XKR6: variants seen among roughly 807,000 people sequenced by gnomAD.
XKR6 encodes the protein XK-related protein 6.
In XKR6, 22 loss-of-function variants were observed where a neutral mutation model predicts 56.7. That is an observed-to-expected ratio of 0.39 (90% CI 0.28 to 0.55). The LOEUF is 0.55. Among genes scored for constraint, XKR6 ranks in the 20% least tolerant of loss-of-function variants. The pLI is 0.66. For synonymous variants in XKR6, 524 were observed against 387.8 expected (o/e 1.35, Z -4.13); for missense variants, 852 against 889.0 (o/e 0.96, Z 0.53).
chr8:11,083,906 T>C (rs1035785608), intron 1 of XKR6, among the ~76,000 whole-genome samples: 1 of 152,152 alleles, frequency 6.6e-6, no homozygotes, highest in African/African-American at 2.4e-5. Flanking sequence ...TTGAGACAGA[T>C]TGTAAGTTTG....
At chr8:11,186,718 T>G (rs540790591) in intron 1 of XKR6, among the ~76,000 whole-genome samples, 2 of 152,206 alleles carry the variant, frequency 1.3e-5, no homozygotes, top group Non-Finnish European at 2.9e-5. Flanking sequence ...ACTTTCTCTA[T>G]ACTTTCTTTC....
At chr8:11,071,802 G>A (rs1235261383) in intron 1 of XKR6, among the ~76,000 whole-genome samples, 1 of 152,172 alleles carries the variant, frequency 6.6e-6, no homozygotes, top group Non-Finnish European at 1.5e-5. Flanking sequence ...ATTTAAGGTG[G>A]CCCAGCACCC....
At position 11,014,134 on chromosome 8, in the gene XKR6, T is replaced by G. The variant is rs182248288; in HGVS notation, c.765-89304A>C. Among the ~76,000 whole-genome samples the G allele has an allele frequency of 4.2e-4, 64 of 152,316 alleles. No individual in the cohort carries two copies. The East Asian group carries it at 0.012, about 28-fold the overall frequency. On this transcript the variant is annotated intron_variant, in intron 1 of 2. Transcript: ENST00000416569. ...ACATTTTTTAACAGCCAGTAAATAC[T>G]CTGGTACCGGGTCAGCATTTTTAAA...
At chr8:10,942,035 G>T (rs1337268957) in intron 1 of XKR6, among the ~76,000 whole-genome samples, 2 of 152,174 alleles carry the variant, frequency 1.3e-5, no homozygotes, top group Non-Finnish European at 2.9e-5. Context: ...TAATGACACA[G>T]TTATCCCCTC....
chr8:11,000,536 T>C (rs1040662932), intron 1 of XKR6, among the ~76,000 whole-genome samples: 5 of 151,886 alleles, frequency 3.3e-5, no homozygotes, highest in Admixed American at 6.6e-5. Flanking sequence ...AATGCAAAAA[T>C]TAGCCAGGCA....
At chr8:10,942,857 T>C (rs1193394326) in intron 1 of XKR6, among the ~76,000 whole-genome samples, 2 of 152,254 alleles carry the variant, frequency 1.3e-5, no homozygotes, top group Non-Finnish European at 2.9e-5. Context: ...TTTTGAGACA[T>C]TGCAAGATCG....
At position 11,171,627 on chromosome 8, in the gene XKR6, C is replaced by T. The variant is rs116530475; in HGVS notation, c.764+28949G>A. On this transcript the variant is annotated intron_variant, in intron 1 of 2. Coordinates refer to ENST00000416569, the MANE Select transcript of XKR6 (RefSeq NM_173683.4). ...TCCTTCTTGCCGTGTGATCTCTGCACACACAAGCCCTCTTAGCCTTCTGCC... is the reference window on the plus strand; with the variant it reads ...TCCTTCTTGCCGTGTGATCTCTGCATACACAAGCCCTCTTAGCCTTCTGCC... Among the ~76,000 whole-genome samples the T allele has an allele frequency of 5.6e-3, 848 of 152,312 alleles. 6 individuals carry two copies. The highest frequency in any genetic ancestry group is 0.019 in the African/African-American group (802 of 41,558).
chr8:11,038,497 TTGTGTG>T (rs34388531), intron 1 of XKR6, among the ~76,000 whole-genome samples: 3,836 of 130,156 alleles, frequency 0.029, 97 homozygotes, highest in African/African-American at 0.063. Flanking sequence ...TGTAGTCATT[TTGTGTG>T]TGTGTGTGTG....
intron 1 of XKR6, among the ~76,000 whole-genome samples, chr8:11,103,216 A>T (rs1439110411): frequency 6.6e-6 from 1 of 152,222 alleles, no homozygotes; most frequent in Non-Finnish European, 1.5e-5. Context: ...AGAAACTACA[A>T]TTTGTTACAG....
chr8:11,114,447 T>C (rs1799061178), intron 1 of XKR6, among the ~76,000 whole-genome samples: 1 of 152,158 alleles, frequency 6.6e-6, no homozygotes, highest in Non-Finnish European at 1.5e-5. Context: ...TTGCAGCCTC[T>C]GCCTCCTGGG....
chr8:11,184,864 T>C (rs1174134798), intron 1 of XKR6, among the ~76,000 whole-genome samples: 3 of 152,150 alleles, frequency 2.0e-5, no homozygotes, highest in Non-Finnish European at 4.4e-5. Context: ...TCTGAATCCA[T>C]CCCCAGGGGT....
Position 11,200,541 on chromosome 8 carries a change from A to G in XKR6, c.764+35T>C. ...CCGGGAGGGCGGAGGGGGGCTCCTCAGGGCCGGCCCGCCCCCACCCCGCAG... is the reference window on the plus strand; with the variant it reads ...CCGGGAGGGCGGAGGGGGGCTCCTCGGGGCCGGCCCGCCCCCACCCCGCAG... On this transcript the variant is annotated intron_variant, in intron 1 of 2. Transcript: ENST00000416569. This position sits in a 1 kb window ranked among gnomAD's most constrained non-coding sequence, Gnocchi z 6.4. 4.2e-6 allele frequency: 6 copies of G among 1,429,084 alleles called. No individual in the cohort carries two copies. Among genetic ancestry groups the G allele is most frequent in the Non-Finnish European group, 5.5e-6 (6 of 1,100,458 alleles). 88.5% of individuals were successfully genotyped at this position (1,429,084 alleles called of 1,614,324 possible).
At chr8:11,193,785 A>C (rs1754509417) in intron 1 of XKR6, among the ~76,000 whole-genome samples, 1 of 145,758 alleles carries the variant, frequency 6.9e-6, no homozygotes, top group Admixed American at 6.8e-5. Flanking sequence ...ACAATTCAGA[A>C]AAACCTCCAA....
chr8:11,051,936 G>A (rs892181011), intron 1 of XKR6, among the ~76,000 whole-genome samples: 41 of 152,192 alleles, frequency 2.7e-4, no homozygotes, highest in African/African-American at 9.2e-4. Context: ...AGAGGTGCGC[G>A]TGTGCCACGG....
intron 1 of XKR6, among the ~76,000 whole-genome samples, chr8:11,103,437 G>C (rs1798560644): frequency 6.6e-6 from 1 of 152,146 alleles, no homozygotes; most frequent in African/African-American, 2.4e-5. Flanking sequence ...GAGCCACATA[G>C]TTGCTCGCAT....
intron 1 of XKR6, among the ~76,000 whole-genome samples, chr8:10,997,553 T>C (rs890652558): frequency 6.6e-6 from 1 of 152,098 alleles, no homozygotes; most frequent in Non-Finnish European, 1.5e-5. Context: ...GAGTTTCTCC[T>C]TACAAATGAG....
Position 11,200,422 on chromosome 8 carries a change from G to A in XKR6, c.764+154C>T, listed in dbSNP as rs967861469. On this transcript the variant is annotated intron_variant, in intron 1 of 2. Coordinates refer to ENST00000416569, the MANE Select transcript of XKR6 (RefSeq NM_173683.4). This position sits in a 1 kb window ranked among gnomAD's most constrained non-coding sequence, Gnocchi z 6.4. ...GCGTGGCCAGGGATCCAGATCAAAC[G>A]CCGGTCTTTTGGAGACGCCAGGGGC... 2.5e-4 allele frequency among the ~76,000 whole-genome samples: 38 copies of A among 152,224 alleles called. No homozygotes were observed. Among genetic ancestry groups the A allele is most frequent in the African/African-American group, 8.4e-4 (35 of 41,464 alleles).
chr8:11,176,344 G>A (rs1802653897), intron 1 of XKR6, among the ~76,000 whole-genome samples: 1 of 152,160 alleles, frequency 6.6e-6, no homozygotes, highest in South Asian at 2.1e-4. Flanking sequence ...GCTGAGTCAA[G>A]TGGTATGTCT....
At chr8:11,027,010 A>C (rs915629197) in intron 1 of XKR6, among the ~76,000 whole-genome samples, 1 of 152,114 alleles carries the variant, frequency 6.6e-6, no homozygotes, top group African/African-American at 2.4e-5. Context: ...CCTACTATAC[A>C]CTTAGATGCT....
Sources: gnomAD v4.1 joint callset for allele counts (sites outside exome capture counted in the v4.1 genomes callset) on GRCh38, gnomAD v4.1.1 for gene constraint, Gnocchi (gnomAD v3.1) non-coding constraint, MANE v1.5 for transcripts, NCBI Gene and HGNC (gene_info 2026-07-23, HGNC 2026-07-21) for gene names.